Variants in ZFPM2 observed in about 807,000 individuals in gnomAD.
The protein encoded by ZFPM2 is zinc finger protein, FOG family member 2.
Under a neutral mutation model 98.6 loss-of-function variants are expected in ZFPM2, and 20 were observed. The observed-to-expected ratio is 0.20, with a 90% CI of 0.14 to 0.29. ZFPM2 has a LOEUF of 0.29. ZFPM2 is among the 10% of genes least tolerant of loss of function. The pLI is 1.00. For synonymous variants in ZFPM2, 518 were observed against 502.7 expected (o/e 1.03, Z -0.41); for missense variants, 1,310 against 1,388.6 (o/e 0.94, Z 0.90).
chr8:105,602,564 C>T (rs1296075733), intron 4 of ZFPM2, among the ~76,000 whole-genome samples: 1 of 151,936 alleles, frequency 6.6e-6, no homozygotes, highest in Admixed American at 6.6e-5. Flanking sequence ...GGTTTATGTT[C>T]CAATAATGGT....
At chr8:105,481,959 G>A (rs1353804682) in intron 3 of ZFPM2, among the ~76,000 whole-genome samples, 1 of 152,156 alleles carries the variant, frequency 6.6e-6, no homozygotes, top group Non-Finnish European at 1.5e-5. Flanking sequence ...AATGATTTGG[G>A]CCTGAGTGAA....
chr8:105,573,811 A>G (rs1336953055), intron 4 of ZFPM2, among the ~76,000 whole-genome samples: 4 of 152,184 alleles, frequency 2.6e-5, no homozygotes, highest in Non-Finnish European at 1.5e-5. Flanking sequence ...GAGAGAAAGT[A>G]TGGGAAAGAG....
At chr8:105,459,812 G>C (rs1337027196) in intron 3 of ZFPM2, among the ~76,000 whole-genome samples, 1 of 152,120 alleles carries the variant, frequency 6.6e-6, no homozygotes, top group Non-Finnish European at 1.5e-5. Flanking sequence ...GAGTCACATT[G>C]GGTATTAGGG....
chr8:105,597,599 T>G (rs151289744), intron 4 of ZFPM2, among the ~76,000 whole-genome samples: 1 of 152,134 alleles, frequency 6.6e-6, no homozygotes, highest in Non-Finnish European at 1.5e-5. Flanking sequence ...CATTTTCAAC[T>G]TTTTCTTTGC....
intron 3 of ZFPM2, among the ~76,000 whole-genome samples, chr8:105,469,354 TTACTC>T (rs1812853878): frequency 6.6e-6 from 1 of 152,176 alleles, no homozygotes; most frequent in Non-Finnish European, 1.5e-5. Flanking sequence ...TTACATCTCT[TTACTC>T]TCTCTTATTT....
At position 105,348,100 on chromosome 8, in the gene ZFPM2, C is replaced by A. The variant is rs112171325; in HGVS notation, c.40+29119C>A. On this transcript the variant is annotated intron_variant, in intron 1 of 7. Transcript: ENST00000407775. The stretch of plus-strand genomic sequence containing the variant: ...TAGAAGCAAGTTCTAACAGTTATTT[C>A]TTTGCTTGACCATTTTGTTGGTTCT... 9.0e-3 allele frequency among the ~76,000 whole-genome samples: 1,376 copies of A among 152,222 alleles called. 18 individuals carry two copies. Among genetic ancestry groups the A allele is most frequent in the African/African-American group, 0.032 (1,312 of 41,540 alleles).
At chr8:105,434,061 A>T (rs1812072921) in intron 2 of ZFPM2, among the ~76,000 whole-genome samples, 1 of 152,216 alleles carries the variant, frequency 6.6e-6, no homozygotes, top group Admixed American at 6.5e-5. Flanking sequence ...GAATATAACT[A>T]CCCAGAAGAT....
chr8:105,416,591 C>CA (rs1203456698), intron 1 of ZFPM2, among the ~76,000 whole-genome samples: 1 of 151,582 alleles, frequency 6.6e-6, no homozygotes, highest in East Asian at 1.9e-4. Context: ...TAGTAAAACT[C>CA]AGAGTATATA....
chr8:105,477,212 T>A (rs1274512066), intron 3 of ZFPM2, among the ~76,000 whole-genome samples: 3 of 151,608 alleles, frequency 2.0e-5, no homozygotes, highest in African/African-American at 7.3e-5. Flanking sequence ...TAATTTCAGT[T>A]AAGTGATTTC....
At chr8:105,551,620 C>T (rs1814855043) in intron 3 of ZFPM2, among the ~76,000 whole-genome samples, 1 of 152,054 alleles carries the variant, frequency 6.6e-6, no homozygotes, top group Non-Finnish European at 1.5e-5. Flanking sequence ...TTTATTTTTC[C>T]CTTGTCATTT....
chr8:105,398,895 G>A (rs1206636906), intron 1 of ZFPM2, among the ~76,000 whole-genome samples: 2 of 152,174 alleles, frequency 1.3e-5, no homozygotes, highest in African/African-American at 4.8e-5. Flanking sequence ...AGAGAGAGAG[G>A]ATAGACTGGC....
intron 4 of ZFPM2, 150 bp from the exon 5 acceptor site, chr8:105,634,096 A>T (rs1816802218): frequency 1.7e-6 from 1 of 594,176 alleles, no homozygotes. Flanking sequence ...TGTCGTCTTA[A>T]AAAGATATCA....
intron 1 of ZFPM2, among the ~76,000 whole-genome samples, chr8:105,341,329 C>T (rs1026752627): frequency 4.6e-5 from 7 of 151,866 alleles, no homozygotes; most frequent in African/African-American, 1.7e-4. Context: ...CGCAATTGCA[C>T]TGACAATGAC....
chr8:105,549,889 C>T (rs573623107), intron 3 of ZFPM2, among the ~76,000 whole-genome samples: 1 of 152,114 alleles, frequency 6.6e-6, no homozygotes, highest in Admixed American at 6.6e-5. Context: ...ACTGGGATTA[C>T]AGACATGAGC....
intron 3 of ZFPM2, among the ~76,000 whole-genome samples, chr8:105,481,066 A>G (rs753876926): frequency 1.1e-4 from 16 of 152,112 alleles, no homozygotes; most frequent in Non-Finnish European, 1.6e-4. Flanking sequence ...ACATTTTTTA[A>G]AAATCCAGTT....
chr8:105,752,886 A>G (rs1231805647), intron 5 of ZFPM2, among the ~76,000 whole-genome samples: 1 of 152,154 alleles, frequency 6.6e-6, no homozygotes, highest in African/African-American at 2.4e-5. Flanking sequence ...ACACTGGAAC[A>G]GTTTGTACAA....
intron 3 of ZFPM2, among the ~76,000 whole-genome samples, chr8:105,509,112 G>A (rs1187353749): frequency 6.6e-6 from 1 of 152,160 alleles, no homozygotes; most frequent in Non-Finnish European, 1.5e-5. Flanking sequence ...TTTTACAGGA[G>A]ACTTTATAAA....
chr8:105,499,182 A>AC (rs1813536799), intron 3 of ZFPM2, among the ~76,000 whole-genome samples: 1 of 149,678 alleles, frequency 6.7e-6, no homozygotes, highest in South Asian at 2.1e-4. Flanking sequence ...GGTAGGTACC[A>AC]CCTTACTCTT....
At chr8:105,762,947 C>G (rs1212733740) in intron 5 of ZFPM2, among the ~76,000 whole-genome samples, 1 of 151,110 alleles carries the variant, frequency 6.6e-6, no homozygotes, top group African/African-American at 2.4e-5. Context: ...TTTAAAATTC[C>G]TCGTCAAATT....
Sources: allele counts gnomAD v4.1 joint callset (sites outside exome capture counted in the v4.1 genomes callset), GRCh38; gene constraint gnomAD v4.1.1; transcripts MANE v1.5; gene names NCBI Gene and HGNC (gene_info 2026-07-23, HGNC 2026-07-21).